Variants in SOX13 observed in about 807,000 individuals in gnomAD.
The protein encoded by SOX13 is transcription factor SOX-13.
Under a neutral mutation model 71.8 loss-of-function variants are expected in SOX13, and 28 were observed. That is an observed-to-expected ratio of 0.39 (90% CI 0.29 to 0.53). SOX13 has a LOEUF of 0.53. Among genes scored for constraint, SOX13 ranks in the 20% least tolerant of loss-of-function variants. SOX13 has a pLI of 0.70. For synonymous variants in SOX13, 309 were observed against 317.8 expected, an observed-to-expected ratio of 0.97 and a Z score of 0.29; for missense variants, 627 against 810.3, an observed-to-expected ratio of 0.77 and a Z score of 2.75.
intron 1 of SOX13, among the ~76,000 whole-genome samples, chr1:204,109,506 G>A (rs549657271): frequency 6.6e-6 from 1 of 152,164 alleles, no homozygotes; most frequent in Admixed American, 6.6e-5. Context: ...GTACAGGTTT[G>A]TAGCCTAGGA....
intron 1 of SOX13, among the ~76,000 whole-genome samples, chr1:204,110,596 G>A (rs956943942): frequency 3.3e-5 from 5 of 152,030 alleles, no homozygotes; most frequent in Non-Finnish European, 7.4e-5. Context: ...TTGATCTGAG[G>A]TTGGTTGAAT....
chr1:204,077,168 A>G (rs1655801769), intron 1 of SOX13, among the ~76,000 whole-genome samples: 1 of 152,216 alleles, frequency 6.6e-6, no homozygotes, highest in African/African-American at 2.4e-5. Flanking sequence ...AGGTAGAGGG[A>G]ATAGCAAATG....
rs1180508830 is a variant in SOX13 at position 204,080,906 on chromosome 1, CTT to C, written c.-2+7214_-2+7215del. On this transcript the variant is annotated intron_variant, in intron 1 of 13. Transcript: ENST00000367204. ...GGGGGTGGTCAATATCCTTTGTTGA[CTT>C]TTTTTTTTTTTTTTTTTTGAGATGG... is the stretch of plus-strand genomic sequence containing the variant. Among the ~76,000 whole-genome samples, 752 of 122,748 alleles carry C rather than the reference CTT, an allele frequency of 6.1e-3. 5 individuals carry two copies. The highest frequency in any genetic ancestry group is 0.021 in the African/African-American group (651 of 31,574). The allele number at this position is 122,748 out of a possible 152,430, so 80.5% of individuals were successfully genotyped here. A position where few individuals can be genotyped will look rare whatever the true frequency, so the allele number is the denominator to read the frequency against.
intron 4 of SOX13, among the ~76,000 whole-genome samples, 153 bp downstream of exon 4, chr1:204,114,758 C>T (rs1301305945): frequency 3.3e-5 from 5 of 152,118 alleles, no homozygotes; most frequent in Admixed American, 2.0e-4. Context: ...CACCATCCCT[C>T]GCCTGGAGGC....
chr1:204,090,410 T>C (rs1430405290), intron 1 of SOX13, among the ~76,000 whole-genome samples: 1 of 25,500 alleles, frequency 3.9e-5, no homozygotes, highest in Non-Finnish European at 9.4e-5. Context: ...TTCTTCTTCT[T>C]TTTTTTTTTT....
chr1:204,094,211 C>A (rs1393672581), intron 1 of SOX13, among the ~76,000 whole-genome samples: 1 of 152,170 alleles, frequency 6.6e-6, no homozygotes, highest in African/African-American at 2.4e-5. Context: ...CGGATGGGAA[C>A]GATGAGACTC....
At chr1:204,074,001 ACG>A (rs1450275960) in intron 1 of SOX13, 41 of 135,834 alleles carry the variant, frequency 3.0e-4, no homozygotes, top group African/African-American at 2.8e-4. Context: ...GTGTGTGTGT[ACG>A]CGCGCGCGCG....
At chr1:204,094,385 A>G (rs982810477) in intron 1 of SOX13, among the ~76,000 whole-genome samples, 7 of 152,134 alleles carry the variant, frequency 4.6e-5, no homozygotes, top group Non-Finnish European at 1.0e-4. Context: ...AGATCTGTGA[A>G]GGTGGAGAGT....
At chr1:204,087,789 C>T (rs1441751050) in intron 1 of SOX13, among the ~76,000 whole-genome samples, 1 of 152,204 alleles carries the variant, frequency 6.6e-6, no homozygotes, top group Non-Finnish European at 1.5e-5. Flanking sequence ...TGCCACAGCC[C>T]CGCACAGGAT....
At chr1:204,095,998 A>G (rs763603689) in intron 1 of SOX13, among the ~76,000 whole-genome samples, 1 of 152,162 alleles carries the variant, frequency 6.6e-6, no homozygotes, top group African/African-American at 2.4e-5. Flanking sequence ...ATGTGTCAAG[A>G]TTGCCTTCCA....
intron 4 of SOX13, 69 bp downstream of exon 4, chr1:204,114,674 C>A: frequency 8.0e-7 from 1 of 1,242,700 alleles, no homozygotes; most frequent in Non-Finnish European, 1.2e-6. Context: ...GGCCACGCAG[C>A]CTGGCTCTGT....
chr1:204,104,495 T>C (rs1321410577), intron 1 of SOX13, among the ~76,000 whole-genome samples: 2 of 152,266 alleles, frequency 1.3e-5, no homozygotes, highest in Non-Finnish European at 2.9e-5. Context: ...GGCACTGTTC[T>C]GGGCACCCAC....
In SOX13 at chr1:204,098,612, G is replaced by T. The variant is rs1286878248; in HGVS notation, c.-1-14303G>T. Among the ~76,000 whole-genome samples, 5 of 152,288 alleles carry T rather than the reference G, an allele frequency of 3.3e-5. 1 individual carries two copies. The highest frequency in any genetic ancestry group is 2.6e-4 in the Admixed American group (4 of 15,302). On this transcript the variant is annotated intron_variant, in intron 1 of 13. Coordinates refer to ENST00000367204, the MANE Select transcript of SOX13 (RefSeq NM_005686.3). The stretch of plus-strand genomic sequence containing the variant: ...TTCATTAGGCATATGTGTTGCCAGG[G>T]TCTACTGAACACTCAGCTCTGCTTG...
chr1:204,100,671 G>A (rs993235451), intron 1 of SOX13, among the ~76,000 whole-genome samples: 6 of 152,130 alleles, frequency 3.9e-5, no homozygotes, highest in Non-Finnish European at 7.3e-5. Context: ...GATAATGGGA[G>A]AGGAAACGCA....
chr1:204,111,256 T>C (rs890567213), intron 1 of SOX13, among the ~76,000 whole-genome samples: 10 of 152,334 alleles, frequency 6.6e-5, no homozygotes, highest in Middle Eastern at 3.4e-3. Context: ...CATCCTATAG[T>C]GTAGAGACTC....
intron 1 of SOX13, among the ~76,000 whole-genome samples, chr1:204,092,441 C>T (rs185360461): frequency 8.0e-4 from 122 of 152,290 alleles, no homozygotes; most frequent in African/African-American, 2.7e-3. Flanking sequence ...CTTGGCCTCC[C>T]AAAGTGCTTG....
chr1:204,077,095 G>C (rs1655800186), intron 1 of SOX13, among the ~76,000 whole-genome samples: 1 of 152,250 alleles, frequency 6.6e-6, no homozygotes, highest in Non-Finnish European at 1.5e-5. Flanking sequence ...GGAGAGGATA[G>C]CTCAGCCCAG....
intron 1 of SOX13, among the ~76,000 whole-genome samples, chr1:204,110,779 CT>C (rs1246956390): frequency 6.6e-6 from 1 of 152,006 alleles, no homozygotes; most frequent in Non-Finnish European, 1.5e-5. Context: ...CCATACAGAG[CT>C]GATGCAGTAT....
At position 204,073,272 on chromosome 1, in the gene SOX13, G is replaced by A. The variant is rs1214222242; in HGVS notation, c.-441G>A. On this transcript the variant is annotated 5_prime_UTR_variant, in exon 1 of 14. Transcript: ENST00000367204. This position sits in a 1 kb window ranked among gnomAD's most constrained non-coding sequence, Gnocchi z 6.8. ...GCCTCGTAGGCCCTGACTCGGAATC[G>A]AGCCGAGGCGCTGAGGTTGGAGCCG... The A allele has an allele frequency of 6.6e-6, 1 of 152,330 alleles. No homozygotes were observed. The highest frequency in any genetic ancestry group is 1.9e-4 in the East Asian group (1 of 5,180). 9.4% of individuals were successfully genotyped at this position (152,330 alleles called of 1,614,324 possible).
Sources: gnomAD v4.1 joint callset for allele counts (sites outside exome capture counted in the v4.1 genomes callset) on GRCh38, gnomAD v4.1.1 for gene constraint, Gnocchi (gnomAD v3.1) non-coding constraint, MANE v1.5 for transcripts, NCBI Gene and HGNC (gene_info 2026-07-23, HGNC 2026-07-21) for gene names.